The following SPRR2G variants were observed in gnomAD, a reference collection of about 807,000 sequenced individuals.
SPRR2G encodes the protein small proline-rich protein 2G.
SPRR2G carries 1 observed loss-of-function variant against 0.7 expected under a neutral mutation model. The ratio of observed to expected loss-of-function variants is 1.49; its 90% CI spans 0.53 to 7.06. The LOEUF (loss-of-function observed/expected upper bound fraction) is 7.06. Ranked by LOEUF, SPRR2G falls within the 30% of genes most tolerant of loss-of-function variation. The pLI, the probability that SPRR2G is intolerant of heterozygous loss-of-function variation, is 0.14. For synonymous variants in SPRR2G, 38 were observed against 33.9 expected (o/e 1.12, Z -0.42); for missense variants, 96 against 88.5 (o/e 1.09, Z -0.34).
the SPRR2G span, among the ~76,000 whole-genome samples, chr1:153,177,876 A>C: frequency 6.6e-6 from 1 of 152,126 alleles, no homozygotes; most frequent in African/African-American, 2.4e-5. Flanking sequence ...TCCAAAAAAA[A>C]AAGCCAGCTG....
At chr1:153,174,621 GC>G in the SPRR2G span, 1 of 152,290 alleles carries the variant, frequency 6.6e-6, no homozygotes. Flanking sequence ...CCGTCACAGT[GC>G]GCACCCTGAC....
the SPRR2G span, among the ~76,000 whole-genome samples, chr1:153,158,236 C>A: frequency 6.6e-6 from 1 of 152,156 alleles, no homozygotes; most frequent in Non-Finnish European, 1.5e-5. Context: ...CACCTATGAG[C>A]CCGTAAAATC....
the SPRR2G span, among the ~76,000 whole-genome samples, chr1:153,180,583 A>G: frequency 2.0e-5 from 3 of 152,194 alleles, no homozygotes; most frequent in African/African-American, 4.8e-5. Context: ...ATATTTACGT[A>G]TTTGTCCTTT....
At chr1:153,173,018 T>C in the SPRR2G span, among the ~76,000 whole-genome samples, 1 of 152,182 alleles carries the variant, frequency 6.6e-6, no homozygotes, top group Non-Finnish European at 1.5e-5. Context: ...ATATTAGAGA[T>C]GAAGAAATAA....
chr1:153,170,833 T>C, the SPRR2G span, among the ~76,000 whole-genome samples: 1 of 152,104 alleles, frequency 6.6e-6, no homozygotes, highest in East Asian at 1.9e-4. Flanking sequence ...CCTCTGCATA[T>C]GGTGATTCAG....
chr1:153,150,892 G>A (rs1656453413), upstream of SPRR2G: 1 of 152,584 alleles, frequency 6.6e-6, no homozygotes, highest in Admixed American at 6.5e-5. Context: ...CAAGAAGATA[G>A]CATCAGTGTG....
the SPRR2G span, among the ~76,000 whole-genome samples, chr1:153,171,357 T>C: frequency 6.6e-6 from 1 of 152,132 alleles, no homozygotes; most frequent in African/African-American, 2.4e-5. Context: ...ATGGATTGCA[T>C]ATAAACATTC....
At chr1:153,181,791 T>C in the SPRR2G span, among the ~76,000 whole-genome samples, 1 of 151,738 alleles carries the variant, frequency 6.6e-6, no homozygotes, top group Non-Finnish European at 1.5e-5. Flanking sequence ...ATTATATATA[T>C]ATATATAATA....
At chr1:153,198,921 G>T in the SPRR2G span, among the ~76,000 whole-genome samples, 1 of 152,138 alleles carries the variant, frequency 6.6e-6, no homozygotes, top group South Asian at 2.1e-4. Flanking sequence ...CAACAGAGGA[G>T]AAAGGGCTCG....
At chr1:153,172,978 A>G in the SPRR2G span, among the ~76,000 whole-genome samples, 1 of 152,232 alleles carries the variant, frequency 6.6e-6, no homozygotes, top group Non-Finnish European at 1.5e-5. Context: ...ATAATTCTAG[A>G]ATTAACTTTG....
the SPRR2G span, among the ~76,000 whole-genome samples, chr1:153,185,356 T>G: frequency 7.0e-6 from 1 of 141,998 alleles, no homozygotes; most frequent in East Asian, 2.0e-4. Context: ...TTTTTTTTTG[T>G]GGTTAGTAGG....
the SPRR2G span, among the ~76,000 whole-genome samples, chr1:153,197,519 T>C: frequency 2.0e-5 from 3 of 152,160 alleles, no homozygotes; most frequent in Non-Finnish European, 4.4e-5. Context: ...TATCCATTCA[T>C]TTATTTCCCA....
chr1:153,203,271 G>A, the SPRR2G span, among the ~76,000 whole-genome samples: 67 of 152,208 alleles, frequency 4.4e-4, no homozygotes, highest in Non-Finnish European at 7.2e-4. Flanking sequence ...CTAGGGAGGG[G>A]TGGGACAGCC....
chr1:153,188,893 T>C, the SPRR2G span, among the ~76,000 whole-genome samples: 2 of 152,192 alleles, frequency 1.3e-5, no homozygotes, highest in Non-Finnish European at 2.9e-5. Context: ...CGGCTTCCTT[T>C]GGCTAGGGAC....
the SPRR2G span, among the ~76,000 whole-genome samples, chr1:153,197,496 A>G: frequency 6.6e-6 from 1 of 152,150 alleles, no homozygotes; most frequent in Non-Finnish European, 1.5e-5. Context: ...CCCCTGCTGA[A>G]CTTTGTCTTG....
chr1:153,181,618 C>T, the SPRR2G span, among the ~76,000 whole-genome samples: 1 of 152,004 alleles, frequency 6.6e-6, no homozygotes, highest in African/African-American at 2.4e-5. Flanking sequence ...CTATTCTCTA[C>T]CTTCATGAAA....
the SPRR2G span, among the ~76,000 whole-genome samples, chr1:153,199,769 A>ATGCGAT: frequency 6.6e-6 from 1 of 152,150 alleles, no homozygotes; most frequent in African/African-American, 2.4e-5. Flanking sequence ...GTAAGAAATC[A>ATGCGAT]TGCGATTTCT....
chr1:153,199,606 T>C, the SPRR2G span, among the ~76,000 whole-genome samples: 4 of 152,172 alleles, frequency 2.6e-5, no homozygotes, highest in African/African-American at 9.6e-5. Context: ...TAGTAGCTAA[T>C]AGAGAAGATA....
At chr1:153,150,574 A>G (rs898830860) in intron 1 of SPRR2G, among the ~76,000 whole-genome samples, 4 of 152,192 alleles carry the variant, frequency 2.6e-5, no homozygotes, top group African/African-American at 9.6e-5. Context: ...TTGCACTCCA[A>G]GAGAGATGTA....
Sources: allele counts gnomAD v4.1 joint callset (sites outside exome capture counted in the v4.1 genomes callset), GRCh38; gene constraint gnomAD v4.1.1; transcripts MANE v1.5; gene names NCBI Gene and HGNC (gene_info 2026-07-23, HGNC 2026-07-21).